The following CPLX1 variants were observed in gnomAD, a reference collection of about 807,000 sequenced individuals.
The protein encoded by CPLX1 is complexin-1.
Under a neutral mutation model 15.6 loss-of-function variants are expected in CPLX1, and 6 were observed. The ratio of observed to expected loss-of-function variants is 0.39; its 90% confidence interval spans 0.21 to 0.76. CPLX1 has a LOEUF of 0.76. CPLX1 is among the 30% of genes least tolerant of loss of function. The probability of loss-of-function intolerance (pLI) is 0.43; values close to 1 mark genes in which losing one functional copy is unlikely to be tolerated. For synonymous variants in CPLX1, 91 were observed against 75.2 expected (o/e 1.21, Z -1.08); for missense variants, 242 against 188.6 (o/e 1.28, Z -1.66).
At chr4:825,874 GGGGAGGAGCTGGGCGAA>G (rs1746974879) in intron 1 of CPLX1, among the ~76,000 whole-genome samples, 155 bp downstream of exon 1, 1 of 65,752 alleles carries the variant, frequency 1.5e-5, no homozygotes, top group Admixed American at 1.5e-4. Flanking sequence ...CGGAGGCCGG[GGGGAGGAGCTGGGCGAA>G]GCCGGGGCCG....
intron 3 of CPLX1, chr4:788,214 C>A: frequency 2.0e-6 from 2 of 985,224 alleles, no homozygotes; most frequent in Non-Finnish European, 2.4e-6. Flanking sequence ...CTGGGCACCC[C>A]CTGGATCTCC....
In CPLX1 at chr4:790,150, G is replaced by A. The variant is rs927917721; in HGVS notation, c.207+2283C>T. ...CTGTGGAGGAGGACTCTGTGGGGAAGGTGTGGACGTGGGGTCCGGGGGGAT... is the reference window on the plus strand; with the variant it reads ...CTGTGGAGGAGGACTCTGTGGGGAAAGTGTGGACGTGGGGTCCGGGGGGAT... On this transcript the variant is annotated intron_variant, in intron 3 of 3. Transcript: ENST00000304062. Among the ~76,000 whole-genome samples the A allele has an allele frequency of 3.9e-4, 59 of 152,210 alleles. 1 individual carries two copies. Among genetic ancestry groups the A allele is most frequent in the African/African-American group, 1.3e-3 (52 of 41,454 alleles).
At chr4:800,564 A>G (rs897852491) in intron 2 of CPLX1, among the ~76,000 whole-genome samples, 22 of 142,952 alleles carry the variant, frequency 1.5e-4, no homozygotes, top group East Asian at 2.0e-4. Flanking sequence ...ATATAAATAT[A>G]TGTGTGTGTG....
Position 786,467 on chromosome 4 carries a change from C to A in CPLX1, c.*34G>T. On this transcript the variant is annotated 3_prime_UTR_variant, in exon 4 of 4. Coordinates refer to ENST00000304062, the MANE Select transcript of CPLX1 (RefSeq NM_006651.4). The stretch of plus-strand genomic sequence containing the variant: ...CGCGGAGGATCTGTAGGGGGAGGGG[C>A]GGGGGCTCCGCGGGGCCGCTGTCCC... 1 of 1,512,678 alleles carries A rather than the reference C, an allele frequency of 6.6e-7. No individual in the cohort carries two copies. Among genetic ancestry groups the A allele is most frequent in the South Asian group, 1.3e-5 (1 of 79,310 alleles). 93.7% of individuals were successfully genotyped at this position (1,512,678 alleles called of 1,614,324 possible).
chr4:819,650 G>A (rs12504575), intron 2 of CPLX1, among the ~76,000 whole-genome samples: 58,531 of 141,620 alleles, frequency 0.41, 11,352 homozygotes, highest in Middle Eastern at 0.52. Flanking sequence ...GTCAGGCACT[G>A]TGGGACGCCT....
chr4:798,143 C>T (rs1472565128), intron 2 of CPLX1, among the ~76,000 whole-genome samples: 28 of 151,794 alleles, frequency 1.8e-4, no homozygotes, highest in Admixed American at 1.3e-3. Flanking sequence ...GGTGTGGTGG[C>T]GTGTGCCTGT....
intron 2 of CPLX1, among the ~76,000 whole-genome samples, chr4:816,987 G>A (rs1311956482): frequency 6.6e-6 from 1 of 152,144 alleles, no homozygotes; most frequent in African/African-American, 2.4e-5. Flanking sequence ...CCAAAGCACT[G>A]CAGAGGTTTT....
chr4:802,055 T>C (rs1746469986), intron 2 of CPLX1, among the ~76,000 whole-genome samples: 1 of 152,148 alleles, frequency 6.6e-6, no homozygotes, highest in Non-Finnish European at 1.5e-5. Flanking sequence ...CTCCTAGGTG[T>C]TTACCCAAGA....
intron 2 of CPLX1, among the ~76,000 whole-genome samples, chr4:816,660 A>C (rs1267887508): frequency 6.9e-6 from 1 of 145,528 alleles, no homozygotes; most frequent in African/African-American, 2.5e-5. Flanking sequence ...ACCCTGTCTT[A>C]AAAAAAAAAA....
chr4:821,614 T>C (rs1660352898), intron 2 of CPLX1, among the ~76,000 whole-genome samples: 4 of 152,218 alleles, frequency 2.6e-5, no homozygotes, highest in Non-Finnish European at 5.9e-5. Context: ...GTTTGCAACT[T>C]TCTGGCCTGA....
At chr4:792,928 T>C (rs921375751) in intron 2 of CPLX1, among the ~76,000 whole-genome samples, 4 of 152,168 alleles carry the variant, frequency 2.6e-5, no homozygotes, top group Non-Finnish European at 5.9e-5. Context: ...TGCGTGCTTA[T>C]GCGTACGTGT....
intron 2 of CPLX1, among the ~76,000 whole-genome samples, chr4:804,320 T>C (rs948147727): frequency 3.9e-5 from 6 of 152,218 alleles, no homozygotes; most frequent in African/African-American, 1.4e-4. Flanking sequence ...CATCATGGGA[T>C]GTGGCAGCAT....
intron 3 of CPLX1, chr4:787,003 GC>G: frequency 1.0e-6 from 1 of 985,412 alleles, no homozygotes; most frequent in Non-Finnish European, 1.2e-6. Flanking sequence ...ACCCAGCCCA[GC>G]CCCTGGCATC....
intron 3 of CPLX1, among the ~76,000 whole-genome samples, chr4:791,067 C>A (rs747041874): frequency 6.6e-6 from 1 of 152,026 alleles, no homozygotes; most frequent in African/African-American, 2.4e-5. Flanking sequence ...CCCCGTCTCC[C>A]GCTCCTGATA....
rs1745986978 is a variant in CPLX1 at position 786,350 on chromosome 4, G to A, written c.*151C>T. ...CCTGGGGGCGCGCGCCCCTTGCCGG[G>A]TGAGGGAGGCGGCGGGCGCGGGCAG... On this transcript the variant is annotated 3_prime_UTR_variant, in exon 4 of 4. Coordinates refer to ENST00000304062, the MANE Select transcript of CPLX1 (RefSeq NM_006651.4). 2 of 795,916 alleles carry A rather than the reference G, an allele frequency of 2.5e-6. No individual in the cohort carries two copies. Among genetic ancestry groups the A allele is most frequent in the East Asian group, 3.3e-5 (1 of 30,404 alleles). The allele number at this position is 795,916 out of a possible 1,614,324, so 49.3% of individuals were successfully genotyped here.
At chr4:807,790 T>A (rs1746585049) in intron 2 of CPLX1, among the ~76,000 whole-genome samples, 1 of 152,186 alleles carries the variant, frequency 6.6e-6, no homozygotes, top group Non-Finnish European at 1.5e-5. Flanking sequence ...GGCCTTAAAT[T>A]TTTTTTAAAA....
intron 3 of CPLX1, among the ~76,000 whole-genome samples, chr4:789,621 C>T (rs943740327): frequency 1.6e-4 from 24 of 152,168 alleles, no homozygotes; most frequent in Non-Finnish European, 3.1e-4. Flanking sequence ...TTATGCAGGA[C>T]AAGGGCGGGT....
chr4:824,890 A>T, intron 1 of CPLX1: 1 of 440,726 alleles, frequency 2.3e-6, no homozygotes. Flanking sequence ...AGGCTGCGGA[A>T]GCAGGGGCGG....
chr4:794,615 G>C (rs1047379875), intron 2 of CPLX1, among the ~76,000 whole-genome samples: 1 of 152,180 alleles, frequency 6.6e-6, no homozygotes, highest in Non-Finnish European at 1.5e-5. Context: ...GGGGAGGCAA[G>C]GACAGCCCCC....
Sources: gnomAD v4.1 joint callset for allele counts (sites outside exome capture counted in the v4.1 genomes callset) on GRCh38, gnomAD v4.1.1 for gene constraint, MANE v1.5 for transcripts, NCBI Gene and HGNC (gene_info 2026-07-23, HGNC 2026-07-21) for gene names.